The following ZC3H12B variants were observed in gnomAD, a reference collection of about 807,000 sequenced individuals.
ZC3H12B encodes the protein zinc finger CCCH-type containing 12B.
In ZC3H12B, 7 loss-of-function variants were observed where a neutral mutation model predicts 43.9. That is an observed-to-expected ratio of 0.16 (90% CI 0.09 to 0.30). ZC3H12B has a LOEUF of 0.30. Ranked by LOEUF, ZC3H12B falls within the 10% of genes least tolerant of loss-of-function variation. The pLI is 1.00. For missense variants in ZC3H12B, 475 were observed against 670.2 expected, an observed-to-expected ratio of 0.71 and a Z score of 3.22; for synonymous variants, 222 against 241.7, an observed-to-expected ratio of 0.92 and a Z score of 0.76.
At chrX:65,185,913 G>A in the ZC3H12B span, 1 of 111,307 alleles carries the variant, frequency 9.0e-6, no homozygotes, top group African/African-American at 3.3e-5. Context: ...CAATGAATGC[G>A]CTTCATCTAC....
At chrX:65,152,372 A>C in the ZC3H12B span, among the ~76,000 whole-genome samples, 1 of 112,030 alleles carries the variant, frequency 8.9e-6, no homozygotes, top group Non-Finnish European at 1.9e-5. Flanking sequence ...CTGATAAGCA[A>C]CTTCAGCAAA....
chrX:65,279,389 T>C, the ZC3H12B span, among the ~76,000 whole-genome samples: 3 of 108,947 alleles, frequency 2.8e-5, no homozygotes, highest in East Asian at 5.8e-4. Context: ...TCTCTCATAA[T>C]TGGTGATATT....
the ZC3H12B span, among the ~76,000 whole-genome samples, chrX:65,174,991 G>A: frequency 6.3e-5 from 7 of 111,573 alleles, no homozygotes; most frequent in South Asian, 3.7e-4. Context: ...AAAACCACCC[G>A]GGTTTGTGCT....
chrX:65,162,634 T>G, the ZC3H12B span, among the ~76,000 whole-genome samples: 1 of 112,093 alleles, frequency 8.9e-6, no homozygotes, highest in Non-Finnish European at 1.9e-5. Flanking sequence ...CTTTAAGCAC[T>G]TCTCTGTATT....
the ZC3H12B span, among the ~76,000 whole-genome samples, chrX:65,118,547 C>G: frequency 9.0e-6 from 1 of 111,174 alleles, no homozygotes; most frequent in African/African-American, 3.3e-5. Context: ...AATTGAATAC[C>G]CTTTATTTCT....
intron 3 of ZC3H12B, among the ~76,000 whole-genome samples, chrX:65,463,053 G>A (rs2067772250): frequency 8.9e-6 from 1 of 111,972 alleles, no homozygotes; most frequent in Non-Finnish European, 1.9e-5. Context: ...ACACATAAGT[G>A]GGAGCTAAAC....
At chrX:65,368,835 G>A (rs1234035455) in exon 2 of ZC3H12B, 1 of 112,172 alleles carries the variant, frequency 8.9e-6, no homozygotes, top group Non-Finnish European at 1.9e-5. Context: ...CAAGGCTATG[G>A]ACTCCTTTTG....
intron 3 of ZC3H12B, among the ~76,000 whole-genome samples, chrX:65,438,251 T>C (rs748124858): frequency 4.5e-5 from 5 of 112,084 alleles, no homozygotes; most frequent in Non-Finnish European, 7.5e-5. Flanking sequence ...TTTTTTTATT[T>C]CTGTGAAGAA....
the ZC3H12B span, among the ~76,000 whole-genome samples, chrX:65,240,812 C>G: frequency 8.9e-6 from 1 of 112,190 alleles, no homozygotes; most frequent in African/African-American, 3.2e-5. Flanking sequence ...TTTCTTTTAA[C>G]AAGCCACTTT....
At chrX:65,110,009 C>G in the ZC3H12B span, among the ~76,000 whole-genome samples, 1 of 111,332 alleles carries the variant, frequency 9.0e-6, no homozygotes, top group Non-Finnish European at 1.9e-5. Context: ...GACAGGTGTG[C>G]AGTGATATCT....
intron 3 of ZC3H12B, among the ~76,000 whole-genome samples, chrX:65,434,464 A>T (rs2067197615): frequency 8.9e-6 from 1 of 111,983 alleles, no homozygotes. Flanking sequence ...AAATAAACAA[A>T]TTGTTAGAGC....
At chrX:65,266,763 C>T in the ZC3H12B span, among the ~76,000 whole-genome samples, 1 of 111,237 alleles carries the variant, frequency 9.0e-6, no homozygotes, top group East Asian at 2.8e-4. Flanking sequence ...AACTACTTGA[C>T]CAGTGCAAGG....
At chrX:65,490,943 G>C (rs1040957903) in intron 1 of ZC3H12B, among the ~76,000 whole-genome samples, 4 of 110,989 alleles carry the variant, frequency 3.6e-5, no homozygotes, top group Admixed American at 9.6e-5. Flanking sequence ...GGGGATGGGA[G>C]AAAGTCATGA....
At chrX:65,176,821 C>T in the ZC3H12B span, among the ~76,000 whole-genome samples, 31 of 111,482 alleles carry the variant, frequency 2.8e-4, no homozygotes, top group Middle Eastern at 4.6e-3. Flanking sequence ...CAGGATGAGA[C>T]GGATTCACAG....
the ZC3H12B span, among the ~76,000 whole-genome samples, chrX:65,060,427 C>T: frequency 8.9e-6 from 1 of 111,885 alleles, no homozygotes; most frequent in Non-Finnish European, 1.9e-5. Context: ...TGAATTTTAT[C>T]ACATGCTTTT....
chrX:65,432,552 C>G (rs2067174853), intron 3 of ZC3H12B, among the ~76,000 whole-genome samples: 1 of 111,868 alleles, frequency 8.9e-6, no homozygotes, highest in African/African-American at 3.2e-5. Flanking sequence ...GGAGAACCTT[C>G]TCCTGTTCTG....
the ZC3H12B span, among the ~76,000 whole-genome samples, chrX:65,322,285 C>A: frequency 8.9e-6 from 1 of 111,841 alleles, no homozygotes; most frequent in African/African-American, 3.2e-5. Flanking sequence ...TGGCATTAAT[C>A]TATTCATTAG....
At chrX:65,171,841 C>T in the ZC3H12B span, among the ~76,000 whole-genome samples, 1 of 111,416 alleles carries the variant, frequency 9.0e-6, no homozygotes, top group Non-Finnish European at 1.9e-5. Context: ...CCCTCCGAGA[C>T]AAGTGTGGGA....
At chrX:65,383,350 G>A (rs1423595977) in intron 2 of ZC3H12B, among the ~76,000 whole-genome samples, 2 of 111,860 alleles carry the variant, frequency 1.8e-5, no homozygotes, top group Non-Finnish European at 3.8e-5. Context: ...CAAGCAATGG[G>A]GAAAGGATTC....
Sources: gnomAD v4.1 joint callset for allele counts (sites outside exome capture counted in the v4.1 genomes callset) on GRCh38, gnomAD v4.1.1 for gene constraint, MANE v1.5 for transcripts, NCBI Gene and HGNC (gene_info 2026-07-23, HGNC 2026-07-21) for gene names.